The following RELL1 variants were observed in gnomAD, a reference collection of about 807,000 sequenced individuals.
RELL1 encodes the protein RELT like 1, also known as RELT-like protein 1.
A neutral mutation model predicts 23.0 loss-of-function variants in RELL1; 10 were observed. The ratio of observed to expected loss-of-function variants is 0.43; its 90% CI spans 0.27 to 0.74. The LOEUF (loss-of-function observed/expected upper bound fraction) is 0.74. Among genes scored for constraint, RELL1 ranks in the 30% least tolerant of loss-of-function variants. The pLI is 0.19. For missense variants in RELL1, 315 were observed against 364.4 expected (o/e 0.86, Z 1.10); for synonymous variants, 146 against 146.8 (o/e 0.99, Z 0.04).
rs565775805 is a variant in RELL1, at chr4:37,600,028, G to A, written c.*4-8811C>T. 1.6e-4 allele frequency among the ~76,000 whole-genome samples: 24 copies of A among 152,286 alleles called. No individual in the cohort carries two copies. The South Asian group carries it at 3.7e-3, about 24-fold the overall frequency. ...CTCACGCCTGTAAACCCAGCACTCC[G>A]GGAGGCCGAGGCAGGCGCATCACTT... On this transcript the variant is annotated intron_variant, in intron 6 of 6. Transcript: ENST00000314117.
intron 1 of RELL1, among the ~76,000 whole-genome samples, chr4:37,677,310 A>G (rs1478301965): frequency 1.3e-5 from 2 of 152,234 alleles, no homozygotes; most frequent in African/African-American, 4.8e-5. Context: ...AAAGACACTC[A>G]CTTAAGTCCT....
intron 6 of RELL1, among the ~76,000 whole-genome samples, chr4:37,624,721 G>A (rs563355370): frequency 6.6e-6 from 1 of 152,046 alleles, no homozygotes; most frequent in African/African-American, 2.4e-5. Flanking sequence ...GAGCCACCGC[G>A]CCCAGCCGGG....
chr4:37,617,806 A>G (rs1719623843), intron 6 of RELL1, among the ~76,000 whole-genome samples: 1 of 152,214 alleles, frequency 6.6e-6, no homozygotes, highest in South Asian at 2.1e-4. Context: ...ACAAAAAATC[A>G]GTAACTCAAT....
At chr4:37,631,890 G>C (rs936889194) in intron 5 of RELL1, among the ~76,000 whole-genome samples, 26 of 151,684 alleles carry the variant, frequency 1.7e-4, no homozygotes, top group African/African-American at 5.3e-4. Flanking sequence ...GACCAGACTG[G>C]GTGTATGGCA....
rs1374986376 is a variant in RELL1 at position 37,671,794 on chromosome 4, TTACTC to T, written c.88+14401_88+14405del. 1.8e-4 allele frequency among the ~76,000 whole-genome samples: 27 copies of T among 152,332 alleles called. 1 individual carries two copies. In the South Asian group the frequency reaches 4.6e-3, roughly 26 times the overall value. ...ACTTTCCAATAACCTTGATTTCACT[TTACTC>T]TACGGATTTGCCCGGAAGTCTTCCT... On this transcript the variant is annotated intron_variant, in intron 1 of 6. Coordinates refer to ENST00000454158, the MANE Select transcript of RELL1 (RefSeq NM_001085400.2).
chr4:37,616,470 C>G lies in RELL1; in HGVS notation c.*4-3128G>C, dbSNP rs113592205. 1.2e-4 allele frequency among the ~76,000 whole-genome samples: 18 copies of G among 152,322 alleles called. 3 individuals are homozygous for G. Among genetic ancestry groups the G allele is most frequent in the African/African-American group, 4.3e-4 (18 of 41,570 alleles). ...AGGCAACAGAAAGGAAATGCAGAAA[C>G]TAGAAATGCTGCCAGGGTCTCTCTC... On this transcript the variant is annotated intron_variant, in intron 6 of 6. Coordinates refer to ENST00000454158, the MANE Select transcript of RELL1 (RefSeq NM_001085400.2).
intron 5 of RELL1, among the ~76,000 whole-genome samples, chr4:37,631,746 G>A (rs1023532146): frequency 6.6e-6 from 1 of 152,180 alleles, no homozygotes; most frequent in Middle Eastern, 3.4e-3. Context: ...CACAGACTAA[G>A]CCGGATATTT....
At chr4:37,605,793 G>GAGAGAGAGAGAA (rs1269670059), downstream of RELL1, among the ~76,000 whole-genome samples, 1,483 of 90,370 alleles carry the variant, frequency 0.016, 48 homozygotes, top group East Asian at 0.065. Context: ...GAGAAAGAAA[G>GAGAGAGAGAGAA]AGAAAGAAAG....
Position 37,618,043 on chromosome 4 carries a change from T to TTA in RELL1, c.*4-4703_*4-4702dup, listed in dbSNP as rs1719631800. Among the ~76,000 whole-genome samples the TTA allele has an allele frequency of 2.6e-5, 4 of 152,292 alleles. No homozygotes were observed. In the South Asian group the frequency reaches 8.3e-4, roughly 32 times the overall value. ...GGCACTGCCCAAGTCCTGAAGGAGC[T>TTA]TAGTGTATGCAGGGAGGAAGCTTAA... On this transcript the variant is annotated intron_variant, in intron 6 of 6. Coordinates refer to ENST00000454158, the MANE Select transcript of RELL1 (RefSeq NM_001085400.2).
intron 6 of RELL1, among the ~76,000 whole-genome samples, chr4:37,596,753 T>A (rs1243797826): frequency 2.0e-5 from 2 of 98,538 alleles, no homozygotes; most frequent in African/African-American, 7.4e-5. Context: ...TTTTTTTTTT[T>A]TTTTTTTTTT....
At chr4:37,646,358 T>C (rs902084946) in intron 3 of RELL1, among the ~76,000 whole-genome samples, 4 of 152,242 alleles carry the variant, frequency 2.6e-5, no homozygotes, top group African/African-American at 7.2e-5. Flanking sequence ...AGTTCAACTT[T>C]GTAAAAGTGT....
chr4:37,643,791 A>T (rs1720603983), intron 3 of RELL1, among the ~76,000 whole-genome samples: 1 of 152,204 alleles, frequency 6.6e-6, no homozygotes, highest in South Asian at 2.1e-4. Context: ...CTAGGTTATA[A>T]ACTGGTAAGA....
chr4:37,679,214 A>G (rs1162897116), intron 1 of RELL1, among the ~76,000 whole-genome samples: 3 of 152,208 alleles, frequency 2.0e-5, no homozygotes, highest in African/African-American at 7.2e-5. Context: ...CAGAGGAGAA[A>G]TTTGGCCCAA....
At chr4:37,630,314 C>T (rs1388544589) in intron 6 of RELL1, among the ~76,000 whole-genome samples, 25 of 150,868 alleles carry the variant, frequency 1.7e-4, no homozygotes, top group Admixed American at 1.7e-3. Context: ...GAAAGTTAAG[C>T]CACTATCAAT....
intron 1 of RELL1, among the ~76,000 whole-genome samples, chr4:37,668,918 A>T (rs1320780571): frequency 6.7e-6 from 1 of 148,288 alleles, no homozygotes; most frequent in Non-Finnish European, 1.5e-5. Flanking sequence ...CCGTCTGAGA[A>T]GTGAGGAGAC....
At chr4:37,616,167 T>C (rs984583294) in intron 6 of RELL1, among the ~76,000 whole-genome samples, 1 of 152,206 alleles carries the variant, frequency 6.6e-6, no homozygotes, top group South Asian at 2.1e-4. Context: ...GGTACTGTCA[T>C]GCTAAGCACT....
downstream of RELL1, among the ~76,000 whole-genome samples, chr4:37,605,911 AAGGAAGGG>A (rs1719201698): frequency 3.8e-5 from 3 of 78,078 alleles, no homozygotes; most frequent in African/African-American, 6.1e-5. Context: ...AAGAAAGAGG[AAGGAAGGG>A]AGGGAGGGAG....
intron 4 of RELL1, among the ~76,000 whole-genome samples, chr4:37,635,854 CA>C: frequency 6.6e-6 from 1 of 152,138 alleles, no homozygotes; most frequent in Non-Finnish European, 1.5e-5. Flanking sequence ...GGGAAGAACC[CA>C]AATTCCATCA....
chr4:37,605,174 A>G (rs1719156718), intron 6 of RELL1, among the ~76,000 whole-genome samples: 1 of 152,206 alleles, frequency 6.6e-6, no homozygotes, highest in Non-Finnish European at 1.5e-5. Flanking sequence ...CAGAAGTAGC[A>G]GTGTGGGCAC....
Sources: allele counts gnomAD v4.1 joint callset (sites outside exome capture counted in the v4.1 genomes callset), GRCh38; gene constraint gnomAD v4.1.1; transcripts MANE v1.5; gene names NCBI Gene and HGNC (gene_info 2026-07-23, HGNC 2026-07-21).